The following TMEM232 variants were observed in gnomAD, a reference collection of about 807,000 sequenced individuals.
The protein encoded by TMEM232 is transmembrane protein 232.
TMEM232 carries 80 observed loss-of-function variants against 78.8 expected under a neutral mutation model. The observed-to-expected ratio is 1.01, with a 90% CI of 0.85 to 1.22. TMEM232 has a LOEUF of 1.22. Among genes scored for constraint, TMEM232 ranks in the 50% most tolerant of loss-of-function variants. The pLI is 0.00. For missense variants in TMEM232, 881 were observed against 742.2 expected (o/e 1.19, Z -2.17); for synonymous variants, 297 against 254.3 (o/e 1.17, Z -1.60).
intron 2 of TMEM232, among the ~76,000 whole-genome samples, chr5:110,656,384 A>G (rs1216200722): frequency 6.6e-6 from 1 of 152,220 alleles, no homozygotes; most frequent in Non-Finnish European, 1.5e-5. Context: ...GTTCCACAAC[A>G]CAGCCTTATA....
chr5:110,592,839 G>C (rs1211278286), intron 10 of TMEM232, among the ~76,000 whole-genome samples: 3 of 152,136 alleles, frequency 2.0e-5, no homozygotes, highest in African/African-American at 7.2e-5. Context: ...TGTAGAGATA[G>C]CTCTTTGATT....
At chr5:110,690,811 C>A (rs1003416036) in intron 1 of TMEM232, among the ~76,000 whole-genome samples, 11 of 152,152 alleles carry the variant, frequency 7.2e-5, no homozygotes, top group Non-Finnish European at 1.6e-4. Flanking sequence ...AGGATGAATT[C>A]ATGTCCTTTG....
intron 11 of TMEM232, among the ~76,000 whole-genome samples, chr5:110,544,296 A>G (rs1051073334): frequency 6.6e-6 from 1 of 152,166 alleles, no homozygotes; most frequent in Non-Finnish European, 1.5e-5. Context: ...TTTCCTTCAC[A>G]TACATATTTT....
Position 110,391,291 on chromosome 5 carries a change from A to ATGTGTGTGTGTGTG in TMEM232, n.391-665_391-652dup, listed in dbSNP as rs369913835. 1.0e-3 allele frequency among the ~76,000 whole-genome samples: 137 copies of ATGTGTGTGTGTGTG among 130,648 alleles called. 1 individual carries two copies. The highest frequency in any genetic ancestry group is 4.9e-3 in the East Asian group (20 of 4,110). 85.7% of individuals were successfully genotyped at this position (130,648 alleles called of 152,430 possible). ...AAAGAAGTCTGAGGCTCCCGTTTGAATGTGTGTGTGTGTGTGTGTGTGTGT... is the reference window on the plus strand; with the variant it reads ...AAAGAAGTCTGAGGCTCCCGTTTGAATGTGTGTGTGTGTGTGTGTGTGTGTGTGTGTGTGTGTGT... On this transcript the variant is annotated intron_variant and non_coding_transcript_variant, in intron 3 of 8. Transcript: ENST00000507188.
chr5:110,560,217 C>T (rs554862376), intron 11 of TMEM232, among the ~76,000 whole-genome samples: 152 of 152,146 alleles, frequency 1.0e-3, no homozygotes, highest in African/African-American at 3.5e-3. Flanking sequence ...TGAATATAGA[C>T]CTTCCATATG....
chr5:110,704,474 G>T (rs1280053313), intron 1 of TMEM232, among the ~76,000 whole-genome samples: 1 of 151,998 alleles, frequency 6.6e-6, no homozygotes, highest in African/African-American at 2.4e-5. Context: ...ACTGGACCAG[G>T]TCTGTACTCA....
At chr5:110,603,085 G>C (rs1039265244) in intron 10 of TMEM232, among the ~76,000 whole-genome samples, 4 of 152,056 alleles carry the variant, frequency 2.6e-5, no homozygotes, top group African/African-American at 9.7e-5. Context: ...AGTGGGAGTT[G>C]AACAATGGGA....
At chr5:110,486,282 G>C (rs1764458223) in intron 12 of TMEM232, among the ~76,000 whole-genome samples, 2 of 151,994 alleles carry the variant, frequency 1.3e-5, no homozygotes, top group East Asian at 1.9e-4. Flanking sequence ...TGTTTACTCT[G>C]CTGACTGTTC....
intron 10 of TMEM232, among the ~76,000 whole-genome samples, chr5:110,603,411 G>A (rs549830790): frequency 2.6e-5 from 4 of 152,134 alleles, no homozygotes; most frequent in East Asian, 3.9e-4. Context: ...GAGTACAGGG[G>A]GTCATGACCA....
Position 110,463,923 on chromosome 5 carries a change from T to C in TMEM232, c.1704-39007A>G, listed in dbSNP as rs148660375. 6.6e-3 allele frequency among the ~76,000 whole-genome samples: 1,012 copies of C among 152,340 alleles called. 19 individuals are homozygous for C. The highest frequency in any genetic ancestry group is 0.023 in the African/African-American group (937 of 41,578). On this transcript the variant is annotated intron_variant, in intron 12 of 13. Coordinates refer to ENST00000455884, the MANE Select transcript of TMEM232 (RefSeq NM_001039763.4). ...TACCCCTTACACAGGCCAGGCTGAA[T>C]ACTTTTCACCTGGAGGCCTTTGTGC... is the stretch of plus-strand genomic sequence containing the variant.
intron 1 of TMEM232, among the ~76,000 whole-genome samples, chr5:110,725,337 A>G (rs1033837054): frequency 6.6e-6 from 1 of 152,224 alleles, no homozygotes; most frequent in Non-Finnish European, 1.5e-5. Flanking sequence ...TTTATTGACT[A>G]AAGAAATCTT....
chr5:110,702,388 A>G (rs1264961953), intron 1 of TMEM232, among the ~76,000 whole-genome samples: 1 of 151,974 alleles, frequency 6.6e-6, no homozygotes, highest in South Asian at 2.1e-4. Context: ...AGCCATTGCC[A>G]TGCTCCTTAA....
intron 12 of TMEM232, among the ~76,000 whole-genome samples, chr5:110,512,186 C>T (rs1767863438): frequency 6.6e-6 from 1 of 152,054 alleles, no homozygotes; most frequent in African/African-American, 2.4e-5. Flanking sequence ...ATTGAAAGCT[C>T]CATTGTGGAA....
intron 1 of TMEM232, among the ~76,000 whole-genome samples, chr5:110,668,891 C>T (rs138071899): frequency 1.5e-4 from 23 of 152,180 alleles, no homozygotes; most frequent in Middle Eastern, 6.8e-3. Context: ...GGGTACATAA[C>T]GAAATGAAGG....
rs759154882 is a variant in TMEM232 at position 110,568,560 on chromosome 5, G to A, written c.1342C>T (p.Leu448Phe). The change falls in exon 11 of 14, where the codon CTT (leucine) becomes TTT (phenylalanine). Residue 448 changes from leucine (L) to phenylalanine (F), a missense_variant. Transcript: ENST00000455884. ...VYNLVKISWE[L>F]QGDEEQDGLR... ...CCATCCTGTTCTTCGTCTCCTTGAA[G>A]TTCCCATGAAATTTTCACCAGGTTA... The A allele has an allele frequency of 1.7e-5, 26 of 1,549,464 alleles. No homozygotes were observed. Among genetic ancestry groups the A allele is most frequent in the African/African-American group, 2.7e-5 (2 of 72,828 alleles).
chr5:110,477,687 A>G (rs1188098177), intron 12 of TMEM232, among the ~76,000 whole-genome samples: 1 of 151,814 alleles, frequency 6.6e-6, no homozygotes, highest in African/African-American at 2.4e-5. Flanking sequence ...ATCTTCTTTT[A>G]TAAACTGCTT....
At chr5:110,473,724 T>C (rs1480076055) in intron 12 of TMEM232, among the ~76,000 whole-genome samples, 1 of 150,730 alleles carries the variant, frequency 6.6e-6, no homozygotes, top group Non-Finnish European at 1.5e-5. Context: ...AGCTGAGATA[T>C]AGAATCAATG....
At chr5:110,644,781 T>A (rs890575986) in intron 2 of TMEM232, among the ~76,000 whole-genome samples, 146 of 150,838 alleles carry the variant, frequency 9.7e-4, no homozygotes, top group African/African-American at 3.5e-3. Context: ...AATTAAAGAA[T>A]AAAAAACTAA....
intron 1 of TMEM232, among the ~76,000 whole-genome samples, chr5:110,681,972 C>T (rs1046489337): frequency 6.6e-6 from 1 of 151,958 alleles, no homozygotes; most frequent in Non-Finnish European, 1.5e-5. Context: ...TAACCCCAGA[C>T]CATTTTACAA....
Sources: gnomAD v4.1 joint callset for allele counts (sites outside exome capture counted in the v4.1 genomes callset) on GRCh38, gnomAD v4.1.1 for gene constraint, MANE v1.5 for transcripts, NCBI Gene and HGNC (gene_info 2026-07-23, HGNC 2026-07-21) for gene names.